Variants in WDR11 observed in about 807,000 individuals in gnomAD.
WDR11 encodes the protein WD repeat-containing protein 11.
WDR11 carries 83 observed loss-of-function variants against 151.2 expected under a neutral mutation model. That is an observed-to-expected ratio of 0.55 (90% CI 0.46 to 0.66). The LOEUF (loss-of-function observed/expected upper bound fraction) is 0.66. WDR11 is among the 30% of genes least tolerant of loss of function. The pLI, the probability that WDR11 is intolerant of heterozygous loss-of-function variation, is 0.00. For synonymous variants in WDR11, 484 were observed against 533.1 expected, an observed-to-expected ratio of 0.91 and a Z score of 1.27; for missense variants, 1,301 against 1,480.9, an observed-to-expected ratio of 0.88 and a Z score of 1.99.
chr10:120,853,720 G>A (rs1200255957), intron 2 of WDR11, among the ~76,000 whole-genome samples: 1 of 152,102 alleles, frequency 6.6e-6, no homozygotes, highest in African/African-American at 2.4e-5. Context: ...AATTCTAAGG[G>A]CCTAAAATAA....
chr10:120,889,602 A>T (rs1483736289), intron 17 of WDR11: 1 of 450,606 alleles, frequency 2.2e-6, no homozygotes, highest in Non-Finnish European at 4.1e-6. Context: ...GGATCAGTAA[A>T]CTCGTGGAGG....
Position 120,865,176 on chromosome 10 carries a change from G to C in WDR11, c.843G>C (p.Val281=). Residue 281 remains valine, a synonymous_variant, in exon 6 of 29, where the codon GTG becomes GTC. Transcript: ENST00000263461. ...TTGAGGTGAATCAGACGGTGGGTGTGATTGCAATAGAACGCACAGGAGTTC... is the reference window on the plus strand; with the variant it reads ...TTGAGGTGAATCAGACGGTGGGTGTCATTGCAATAGAACGCACAGGAGTTC... ...LDLEVNQTVG[V]IAIERTGVPF... 1 of 1,613,882 alleles carries C rather than the reference G, an allele frequency of 6.2e-7. No individual in the cohort carries two copies. The highest frequency in any genetic ancestry group is 2.2e-5 in the East Asian group (1 of 44,830).
At position 120,859,196 on chromosome 10, in the gene WDR11, T is replaced by C. The variant is rs141491420; in HGVS notation, c.352+400T>C. Among the ~76,000 whole-genome samples the C allele has an allele frequency of 3.9e-3, 592 of 152,224 alleles. 4 individuals are homozygous for C. The highest frequency in any genetic ancestry group is 0.014 in the African/African-American group (565 of 41,540). On this transcript the variant is annotated intron_variant, in intron 3 of 28. Coordinates refer to ENST00000263461, the MANE Select transcript of WDR11 (RefSeq NM_018117.12). ...ATCAGAGATGAACAAAATTTTATTC[T>C]CATTTTCATATAGATTGCTTGTTTG...
intron 13 of WDR11, among the ~76,000 whole-genome samples, chr10:120,882,048 T>C (rs531268058): frequency 5.7e-4 from 87 of 152,298 alleles, no homozygotes; most frequent in African/African-American, 2.0e-3. Context: ...TGAGCCTTTG[T>C]ATTATGAGTA....
intron 21 of WDR11, 31 bp downstream of exon 21, chr10:120,901,129 G>A (rs2133809615): frequency 6.5e-7 from 1 of 1,537,684 alleles, no homozygotes; most frequent in East Asian, 2.3e-5. Context: ...TAGAAGATAG[G>A]AATATGAGAA....
Position 120,897,595 on chromosome 10 carries a change from A to G in WDR11, c.2516-2434A>G, listed in dbSNP as rs569117267. On this transcript the variant is annotated intron_variant, in intron 19 of 28. Transcript: ENST00000263461. ...GTTCAGACTCTGTCAAAAATGTTTA[A>G]CCCGAATCTGATAATCAGAAAACAG... Among the ~76,000 whole-genome samples, 25 of 152,278 alleles carry G rather than the reference A, an allele frequency of 1.6e-4. 1 individual carries two copies.
chr10:120,880,878 A>G lies in WDR11; in HGVS notation c.1716A>G (p.Glu572=). Residue 572 remains glutamate (E), a synonymous_variant, in exon 13 of 29, where the codon GAA becomes GAG. Transcript: ENST00000263461. ...GERGNDESAI[E]MIKVSHLKQY... ...GAGGCAATGATGAATCTGCCATCGA[A>G]ATGATTAAAGTATCTCATTTGAAGT... 6.2e-7 allele frequency: 1 copy of G among 1,602,904 alleles called. No individual in the cohort carries two copies. Among genetic ancestry groups the G allele is most frequent in the Non-Finnish European group, 8.5e-7 (1 of 1,172,828 alleles).
At chr10:120,851,762 G>T (rs1845783165) in intron 1 of WDR11, 4 of 572,482 alleles carry the variant, frequency 7.0e-6, no homozygotes, top group South Asian at 6.0e-5. Context: ...TCTGCACCTC[G>T]CCCTTTTGCC....
chr10:120,901,178 A>C (rs1847800193), intron 21 of WDR11, 80 bp downstream of exon 21: 19 of 1,259,228 alleles, frequency 1.5e-5, no homozygotes, highest in Non-Finnish European at 2.2e-5. Context: ...ATTCAAAATT[A>C]AAATAAGTTA....
rs765105040 is a variant in WDR11, at chr10:120,865,581, T to G, written c.880-49T>G. 3.9e-6 allele frequency: 5 copies of G among 1,272,148 alleles called. No individual in the cohort carries two copies. The South Asian group carries it at 5.2e-5, about 13-fold the overall frequency. The allele number at this position is 1,272,148 out of a possible 1,614,324, so 78.8% of individuals were successfully genotyped here. ...TGAGTTTGAGTTTCACAGTATATAC[T>G]TTATTAATCTATTGTGTTTTAAAAA... is the stretch of plus-strand genomic sequence containing the variant. On this transcript the variant is annotated intron_variant, in intron 6 of 28. Transcript: ENST00000263461.
At chr10:120,863,877 C>G (rs1021531354) in intron 5 of WDR11, among the ~76,000 whole-genome samples, 1 of 152,090 alleles carries the variant, frequency 6.6e-6, no homozygotes, top group Non-Finnish European at 1.5e-5. Context: ...TAATTTATCT[C>G]TCACCCTGTG....
At chr10:120,863,551 T>A (rs1846210528) in intron 5 of WDR11, among the ~76,000 whole-genome samples, 1 of 152,248 alleles carries the variant, frequency 6.6e-6, no homozygotes, top group Non-Finnish European at 1.5e-5. Flanking sequence ...ATTTAGAAGA[T>A]GTCGGCTGTT....
At chr10:120,878,049 T>G (rs1846861198) in intron 11 of WDR11, among the ~76,000 whole-genome samples, 1 of 152,222 alleles carries the variant, frequency 6.6e-6, no homozygotes, top group South Asian at 2.1e-4. Context: ...CTGAAACTAC[T>G]GTCATATGAC....
At chr10:120,872,458 G>A (rs940589126) in intron 10 of WDR11, among the ~76,000 whole-genome samples, 4 of 152,076 alleles carry the variant, frequency 2.6e-5, no homozygotes, top group Admixed American at 2.6e-4. Flanking sequence ...CTACTTCTTG[G>A]GATAGCTATG....
chr10:120,874,402 A>T (rs1476358040), intron 11 of WDR11, among the ~76,000 whole-genome samples: 4 of 151,210 alleles, frequency 2.6e-5, no homozygotes, highest in Non-Finnish European at 4.4e-5. Context: ...TTATTTTAAA[A>T]TTTTTTTTAC....
chr10:120,867,010 A>G (rs565287147), intron 8 of WDR11, 56 bp from the exon 9 acceptor site: 3 of 1,391,586 alleles, frequency 2.2e-6, no homozygotes, highest in East Asian at 4.6e-5. Context: ...TTGAATTCCT[A>G]ATACGTAATG....
chr10:120,908,882 A>G lies in WDR11; in HGVS notation c.*169A>G, dbSNP rs1848179465. 1 of 716,962 alleles carries G rather than the reference A, an allele frequency of 1.4e-6. No individual in the cohort carries two copies. Among genetic ancestry groups the G allele is most frequent in the Non-Finnish European group, 2.4e-6 (1 of 415,116 alleles). 44.4% of individuals were successfully genotyped at this position (716,962 alleles called of 1,614,324 possible). On this transcript the variant is annotated 3_prime_UTR_variant, in exon 29 of 29. Transcript: ENST00000263461. Reference sequence around the variant, plus strand: ...CAAAAGCACATAAGCATCTATGTTGAGAGTAAGTTTGTATCCTGCGTTGGT... The same window carrying G: ...CAAAAGCACATAAGCATCTATGTTGGGAGTAAGTTTGTATCCTGCGTTGGT...
chr10:120,856,902 CTTTG>C (rs1314767638), intron 2 of WDR11, among the ~76,000 whole-genome samples: 3 of 152,064 alleles, frequency 2.0e-5, no homozygotes, highest in African/African-American at 2.4e-5. Flanking sequence ...AATACTGAAA[CTTTG>C]TTTGCTCCTA....
In WDR11 at chr10:120,906,198, A is replaced by T. The variant is rs1848037554; in HGVS notation, c.3437+177A>T. On this transcript the variant is annotated intron_variant, in intron 27 of 28. Coordinates refer to ENST00000263461, the MANE Select transcript of WDR11 (RefSeq NM_018117.12). ...AACTGTCCGTATTCATTACATCTTCATTCGGTCTAGGAGCTATGCTAGTTT... is the reference window on the plus strand; with the variant it reads ...AACTGTCCGTATTCATTACATCTTCTTTCGGTCTAGGAGCTATGCTAGTTT... 2.7e-6 allele frequency: 4 copies of T among 1,500,210 alleles called. No individual in the cohort carries two copies. In the African/African-American group the frequency reaches 4.2e-5, roughly 16 times the overall value. 92.9% of individuals were successfully genotyped at this position (1,500,210 alleles called of 1,614,324 possible).
Sources: gnomAD v4.1 joint callset for allele counts (sites outside exome capture counted in the v4.1 genomes callset) on GRCh38, gnomAD v4.1.1 for gene constraint, MANE v1.5 for transcripts, NCBI Gene and HGNC (gene_info 2026-07-23, HGNC 2026-07-21) for gene names.